The following CRPPA variants were observed in gnomAD, a reference collection of about 807,000 sequenced individuals.
The protein encoded by CRPPA is D-ribitol-5-phosphate cytidylyltransferase.
A neutral mutation model predicts 52.0 loss-of-function variants in CRPPA; 43 were observed. The observed-to-expected ratio is 0.83, with a 90% CI of 0.65 to 1.07. The LOEUF is 1.07. Among genes scored for constraint, CRPPA ranks in the 50% least tolerant of loss-of-function variants. CRPPA has a pLI of 0.00. For synonymous variants in CRPPA, 250 were observed against 203.5 expected, an observed-to-expected ratio of 1.23 and a Z score of -1.94; for missense variants, 629 against 551.7, an observed-to-expected ratio of 1.14 and a Z score of -1.40.
chr7:16,383,754 G>A (rs895514868), intron 2 of CRPPA, among the ~76,000 whole-genome samples: 2 of 152,218 alleles, frequency 1.3e-5, no homozygotes, highest in African/African-American at 4.8e-5. Flanking sequence ...TCAGACTGCT[G>A]CGCTAGCAAT....
intron 9 of CRPPA, among the ~76,000 whole-genome samples, chr7:16,116,311 G>C (rs1782369290): frequency 6.6e-6 from 1 of 152,096 alleles, no homozygotes. Flanking sequence ...AAATCTAAAT[G>C]AGGGACATTA....
intron 9 of CRPPA, among the ~76,000 whole-genome samples, chr7:16,108,245 A>C (rs1402583622): frequency 1.3e-5 from 2 of 152,008 alleles, no homozygotes; most frequent in African/African-American, 2.4e-5. Context: ...CTTCACTTTT[A>C]ATGACATACA....
intron 8 of CRPPA, among the ~76,000 whole-genome samples, chr7:16,239,268 A>G (rs776053908): frequency 2.4e-4 from 36 of 152,122 alleles, no homozygotes; most frequent in Middle Eastern, 6.8e-3. Flanking sequence ...TGTTATTTGA[A>G]GACCTAGTAC....
chr7:16,253,481 G>A (rs747394987), intron 8 of CRPPA, among the ~76,000 whole-genome samples: 26 of 152,092 alleles, frequency 1.7e-4, no homozygotes, highest in Non-Finnish European at 2.5e-4. Flanking sequence ...AGACTGTTAC[G>A]ATTTCTGTTC....
chr7:16,409,546 G>C (rs1788030833), intron 1 of CRPPA, among the ~76,000 whole-genome samples: 2 of 152,180 alleles, frequency 1.3e-5, no homozygotes, highest in Non-Finnish European at 2.9e-5. Context: ...TGGCGTTTTA[G>C]AGATAGTCTA....
intron 9 of CRPPA, among the ~76,000 whole-genome samples, chr7:16,213,864 G>T (rs1355444940): frequency 6.6e-6 from 1 of 152,072 alleles, no homozygotes; most frequent in African/African-American, 2.4e-5. Flanking sequence ...ATGTCTATAG[G>T]ATTATTTTAG....
chr7:16,170,165 C>T (rs1327327604), intron 9 of CRPPA, among the ~76,000 whole-genome samples: 1 of 152,112 alleles, frequency 6.6e-6, no homozygotes, highest in Non-Finnish European at 1.5e-5. Flanking sequence ...AATTGACTGT[C>T]ATAGCTCCTT....
chr7:16,198,881 A>G (rs1781792405), intron 9 of CRPPA, among the ~76,000 whole-genome samples: 2 of 152,134 alleles, frequency 1.3e-5, no homozygotes, highest in Non-Finnish European at 2.9e-5. Context: ...TAAAGTAGTA[A>G]GAACTGTAGA....
intron 5 of CRPPA, 102 bp from the exon 6 acceptor site, chr7:16,278,328 A>G (rs2128417771): frequency 4.7e-6 from 3 of 639,506 alleles, no homozygotes; most frequent in South Asian, 1.9e-5. Flanking sequence ...CTGTTGACCA[A>G]GAATAGGGAG....
chr7:16,379,240 G>C lies in CRPPA; in HGVS notation c.535-2999C>G, dbSNP rs539980861. On this transcript the variant is annotated intron_variant, in intron 2 of 9. Transcript: ENST00000407010. The stretch of plus-strand genomic sequence containing the variant: ...TTCTTCTAGGGTTTTTATGGTTTTA[G>C]GTCTAACGTTTAAGTCTTTAATCCA... Among the ~76,000 whole-genome samples, 569 of 152,196 alleles carry C rather than the reference G, an allele frequency of 3.7e-3. 4 individuals carry two copies. The highest frequency in any genetic ancestry group is 0.013 in the African/African-American group (549 of 41,526).
intron 3 of CRPPA, among the ~76,000 whole-genome samples, chr7:16,372,891 G>A (rs1786783938): frequency 1.3e-5 from 2 of 152,286 alleles, no homozygotes; most frequent in Middle Eastern, 3.4e-3. Context: ...CAGGAGTAGT[G>A]ATCCTTATAC....
intron 9 of CRPPA, among the ~76,000 whole-genome samples, chr7:16,123,404 A>C (rs1782515182): frequency 6.6e-6 from 1 of 152,190 alleles, no homozygotes. Context: ...GTCCAAAGGC[A>C]AACTATGTTA....
intron 5 of CRPPA, among the ~76,000 whole-genome samples, chr7:16,284,105 A>C (rs1174187679): frequency 1.3e-5 from 2 of 152,030 alleles, no homozygotes; most frequent in African/African-American, 4.8e-5. Context: ...ATTAGGAAGC[A>C]CACATCTGTA....
intron 2 of CRPPA, among the ~76,000 whole-genome samples, chr7:16,401,144 C>A (rs1384272892): frequency 6.6e-6 from 1 of 152,166 alleles, no homozygotes; most frequent in Non-Finnish European, 1.5e-5. Flanking sequence ...ATTACTTCAT[C>A]TTTCTGGTGA....
intron 8 of CRPPA, among the ~76,000 whole-genome samples, chr7:16,246,183 T>G (rs1031372885): frequency 6.6e-6 from 1 of 152,204 alleles, no homozygotes; most frequent in Non-Finnish European, 1.5e-5. Context: ...TTGTAAATCC[T>G]TTATTGTCAT....
At chr7:16,224,788 A>G (rs1262123954) in intron 8 of CRPPA, among the ~76,000 whole-genome samples, 2 of 152,186 alleles carry the variant, frequency 1.3e-5, no homozygotes, top group African/African-American at 2.4e-5. Flanking sequence ...AAAAGATTTT[A>G]GAAAAACTAT....
At chr7:16,208,699 G>A (rs535327724) in intron 9 of CRPPA, among the ~76,000 whole-genome samples, 200 of 152,252 alleles carry the variant, frequency 1.3e-3, no homozygotes, top group Admixed American at 2.9e-3. Flanking sequence ...GGTAGAACAA[G>A]GTAGAGAATA....
chr7:16,258,150 G>C lies in CRPPA; in HGVS notation c.1119+240C>G, dbSNP rs1048877355. Among the ~76,000 whole-genome samples the C allele has an allele frequency of 2.6e-5, 4 of 151,988 alleles. No homozygotes were observed. The South Asian group carries it at 8.3e-4, about 31-fold the overall frequency. On this transcript the variant is annotated intron_variant, in intron 8 of 9. Transcript: ENST00000407010. ...CCATTTTAGTGAAGGAAAAAAATAT[G>C]AAATTGGTTGCTGGGTTGAAAAAGA... is the stretch of plus-strand genomic sequence containing the variant.
intron 9 of CRPPA, among the ~76,000 whole-genome samples, chr7:16,142,715 G>A (rs1782897288): frequency 6.6e-6 from 1 of 152,128 alleles, no homozygotes; most frequent in South Asian, 2.1e-4. Context: ...TTCTCCCCAT[G>A]AGAATAATAT....
Sources: gnomAD v4.1 joint callset for allele counts (sites outside exome capture counted in the v4.1 genomes callset) on GRCh38, gnomAD v4.1.1 for gene constraint, MANE v1.5 for transcripts, NCBI Gene and HGNC (gene_info 2026-07-23, HGNC 2026-07-21) for gene names.